SEMA3D: variants seen among roughly 807,000 people sequenced by gnomAD.
SEMA3D encodes semaphorin-3D.
A neutral mutation model predicts 100.1 loss-of-function variants in SEMA3D; 84 were observed. That is an observed-to-expected ratio of 0.84 (90% confidence interval 0.70 to 1.01). SEMA3D has a LOEUF of 1.01. SEMA3D is among the 50% of genes least tolerant of loss of function. SEMA3D has a pLI of 0.00. For synonymous variants in SEMA3D, 312 were observed against 320.7 expected (o/e 0.97, Z 0.29); for missense variants, 875 against 934.1 (o/e 0.94, Z 0.82).
intron 2 of SEMA3D, chr7:85,140,660 G>A (rs1013499260): frequency 2.2e-5 from 21 of 975,494 alleles, no homozygotes; most frequent in Non-Finnish European, 2.3e-5. Context: ...TGCAAGACAC[G>A]AACACATTAT....
At chr7:85,163,644 T>C (rs971477520) in intron 1 of SEMA3D, among the ~76,000 whole-genome samples, 2 of 152,092 alleles carry the variant, frequency 1.3e-5, no homozygotes, top group Non-Finnish European at 2.9e-5. Flanking sequence ...CAATTTACTA[T>C]GAAAAATGTA....
chr7:85,241,467 G>GTGTGTGTATATATATATATATATA, the SEMA3D span, among the ~76,000 whole-genome samples: 1 of 92,002 alleles, frequency 1.1e-5, no homozygotes, highest in African/African-American at 5.5e-5. Flanking sequence ...CTGTGTGTGT[G>GTGTGTGTATATATATATATATATA]TATATATATA....
At chr7:85,093,536 T>G (rs1788462668) in intron 4 of SEMA3D, among the ~76,000 whole-genome samples, 1 of 152,004 alleles carries the variant, frequency 6.6e-6, no homozygotes, top group South Asian at 2.1e-4. Flanking sequence ...AGATGATATT[T>G]TCATCTTTGT....
chr7:85,218,999 G>A, the SEMA3D span, among the ~76,000 whole-genome samples: 5 of 152,052 alleles, frequency 3.3e-5, no homozygotes, highest in East Asian at 1.9e-4. Context: ...AATGAGCTAC[G>A]CACTTATTTT....
intron 8 of SEMA3D, among the ~76,000 whole-genome samples, 180 bp downstream of exon 8, chr7:85,065,244 T>G: frequency 6.6e-6 from 1 of 152,310 alleles, no homozygotes; most frequent in Middle Eastern, 3.4e-3. Context: ...AAATATTATG[T>G]ATTACTATAT....
At chr7:85,157,140 CCT>C (rs1208325117) in intron 1 of SEMA3D, among the ~76,000 whole-genome samples, 4 of 151,968 alleles carry the variant, frequency 2.6e-5, no homozygotes, top group Admixed American at 6.6e-5. Context: ...AAAAAATAGA[CCT>C]AGGGTTTTAT....
In SEMA3D at chr7:85,045,646, T is replaced by A. The variant is rs552869237; in HGVS notation, c.862-3361A>T. Among the ~76,000 whole-genome samples, 11 of 151,996 alleles carry A rather than the reference T, an allele frequency of 7.2e-5. No individual in the cohort carries two copies. The South Asian group carries it at 2.1e-3, about 29-fold the overall frequency. ...TCCTCAGAACATTTATGAATATATA[T>A]CTGTACGTTAATAAGAATAAGCAAA... On this transcript the variant is annotated intron_variant, in intron 9 of 18. Transcript: ENST00000284136.
intron 3 of SEMA3D, among the ~76,000 whole-genome samples, chr7:85,110,376 A>T (rs1422943663): frequency 6.6e-6 from 1 of 151,938 alleles, no homozygotes; most frequent in African/African-American, 2.4e-5. Flanking sequence ...TCAGTTTTTT[A>T]AATTATCTAC....
chr7:85,095,965 C>A (rs1165358577), intron 4 of SEMA3D, among the ~76,000 whole-genome samples: 1 of 151,946 alleles, frequency 6.6e-6, no homozygotes, highest in African/African-American at 2.4e-5. Context: ...TGATCTAATA[C>A]ACTCAGTTCA....
rs1327619116 is a variant in SEMA3D at position 85,030,641 on chromosome 7, A to G, written c.1191+6248T>C. On this transcript the variant is annotated intron_variant, in intron 12 of 18. Transcript: ENST00000284136. ...GATAAGGGAATGGTTTAAAACTGAA[A>G]CTCACTTTTGAGGAAATATTTACTA... 2.6e-5 allele frequency among the ~76,000 whole-genome samples: 4 copies of G among 152,026 alleles called. No individual in the cohort carries two copies. The East Asian group carries it at 7.7e-4, about 29-fold the overall frequency.
At chr7:85,215,121 T>C in the SEMA3D span, among the ~76,000 whole-genome samples, 10 of 147,150 alleles carry the variant, frequency 6.8e-5, no homozygotes, top group South Asian at 2.1e-4. Context: ...TTCTTTCTTT[T>C]TTTTTTTTTT....
At position 84,999,702 on chromosome 7, in the gene SEMA3D, T is replaced by C; in HGVS notation, c.2072A>G (p.Asn691Ser). The change falls in exon 19 of 19, where the codon AAT (asparagine) becomes AGT (serine). Residue 691 changes from asparagine (N) to serine (S), a missense_variant. Physicochemically the swap from Asn to Ser is conservative, Grantham distance 46. Transcript: ENST00000284136. ...LNVIENEQMENTQRAEHEEGK... is the reference protein window; with the variant it reads ...LNVIENEQMESTQRAEHEEGK... ...CTCCTCATGCTCTGCCCTCTGGGTA[T>C]TTTCCATCTGTTCATTCTCAATGAC... 2 of 1,614,034 alleles carry C rather than the reference T, an allele frequency of 1.2e-6. No individual in the cohort carries two copies. The highest frequency in any genetic ancestry group is 1.7e-6 in the Non-Finnish European group (2 of 1,179,980).
At chr7:85,060,310 C>T (rs954337097) in intron 8 of SEMA3D, among the ~76,000 whole-genome samples, 2 of 152,128 alleles carry the variant, frequency 1.3e-5, no homozygotes, top group African/African-American at 4.8e-5. Flanking sequence ...AAAATAAATA[C>T]AAGTTGCAAG....
intron 11 of SEMA3D, among the ~76,000 whole-genome samples, chr7:85,038,755 A>G (rs993138043): frequency 6.6e-6 from 1 of 152,186 alleles, no homozygotes; most frequent in Non-Finnish European, 1.5e-5. Context: ...ACCTTTTTAT[A>G]TTAGGATATA....
intron 18 of SEMA3D, 27 bp from the exon 19 acceptor site, chr7:84,999,892 T>A: frequency 3.1e-6 from 5 of 1,591,984 alleles, no homozygotes; most frequent in Non-Finnish European, 3.4e-6. Context: ...ATGTAGGTAA[T>A]AAATTAAACA....
intron 1 of SEMA3D, among the ~76,000 whole-genome samples, chr7:85,171,960 GGTGTGTGTGTGGGTGTGT>G (rs1292051809): frequency 2.0e-5 from 3 of 149,490 alleles, no homozygotes; most frequent in Non-Finnish European, 4.5e-5. Flanking sequence ...TGTGTGTGTG[GGTGTGTGTGTGGGTGTGT>G]GTGTGTATAT....
intron 1 of SEMA3D, among the ~76,000 whole-genome samples, chr7:85,180,508 A>C (rs1179009245): frequency 6.6e-6 from 1 of 152,222 alleles, no homozygotes; most frequent in Non-Finnish European, 1.5e-5. Context: ...AAAGTTTTCC[A>C]CTATATAATT....
At chr7:85,123,549 G>A (rs555705667) in intron 2 of SEMA3D, among the ~76,000 whole-genome samples, 61 of 152,162 alleles carry the variant, frequency 4.0e-4, no homozygotes, top group African/African-American at 1.3e-3. Context: ...TTAAATCTCA[G>A]TAGTTAAGTC....
intron 8 of SEMA3D, among the ~76,000 whole-genome samples, chr7:85,062,055 A>G (rs558769020): frequency 6.6e-6 from 1 of 152,160 alleles, no homozygotes; most frequent in African/African-American, 2.4e-5. Context: ...CCATCAAAAG[A>G]GCAGATTTTG....
Sources: gnomAD v4.1 joint callset for allele counts (sites outside exome capture counted in the v4.1 genomes callset) on GRCh38, gnomAD v4.1.1 for gene constraint, MANE v1.5 for transcripts, NCBI Gene and HGNC (gene_info 2026-07-23, HGNC 2026-07-21) for gene names.